Variants in PRPSAP2 observed in about 807,000 individuals in gnomAD.
The protein encoded by PRPSAP2 is phosphoribosyl pyrophosphate synthetase associated protein 2, also known as phosphoribosyl pyrophosphate synthase-associated protein 2.
In PRPSAP2, 24 loss-of-function variants were observed where a neutral mutation model predicts 40.6. That is an observed-to-expected ratio of 0.59 (90% CI 0.43 to 0.83). The LOEUF (loss-of-function observed/expected upper bound fraction) is 0.83, where lower values mean the gene tolerates loss of function less well. Ranked by LOEUF, PRPSAP2 falls within the 40% of genes least tolerant of loss-of-function variation. The probability of loss-of-function intolerance (pLI) is 0.00; values close to 1 mark genes in which losing one functional copy is unlikely to be tolerated. For synonymous variants in PRPSAP2, 149 were observed against 164.7 expected (o/e 0.90, Z 0.73); for missense variants, 292 against 465.6 (o/e 0.63, Z 3.43).
chr17:18,923,993 A>G lies in PRPSAP2; in HGVS notation c.804+9A>G. The G allele has an allele frequency of 6.2e-7, 1 of 1,600,550 alleles. No homozygotes were observed. The highest frequency in any genetic ancestry group is 8.6e-7 in the Non-Finnish European group (1 of 1,169,298). ...GGATTGCCATCATCGTGGTATGTAG[A>G]CCTCTTTTATTATTAATTCTAGTAT... On this transcript the variant is annotated intron_variant, in intron 10 of 11. Transcript: ENST00000268835.
intron 8 of PRPSAP2, chr17:18,908,426 A>C (rs1176550865): frequency 1.3e-6 from 1 of 758,460 alleles, no homozygotes; most frequent in Non-Finnish European, 2.5e-6. Flanking sequence ...AATGCAGACG[A>C]AACTGTTCTG....
chr17:18,923,904 T>A lies in PRPSAP2; in HGVS notation c.734-10T>A, dbSNP rs568479364. 4.3e-4 allele frequency: 687 copies of A among 1,607,804 alleles called. No individual in the cohort carries two copies. The highest frequency in any genetic ancestry group is 5.4e-4 in the Non-Finnish European group (630 of 1,176,896). On this transcript the variant is annotated splice_polypyrimidine_tract_variant and intron_variant, in intron 9 of 11. Coordinates refer to ENST00000268835, the MANE Select transcript of PRPSAP2 (RefSeq NM_002767.4). ...TAAAAATTTTGGTGTGTGTGTTTTA[T>A]TCCAACCAGTGCTGATTCCTAAAGA... is the stretch of plus-strand genomic sequence containing the variant.
At chr17:18,920,240 C>T (rs553191697) in intron 9 of PRPSAP2, among the ~76,000 whole-genome samples, 23 of 152,138 alleles carry the variant, frequency 1.5e-4, no homozygotes, top group South Asian at 2.1e-4. Context: ...TTTAGATGAA[C>T]GCTGCTTCTT....
At position 18,865,783 on chromosome 17, in the gene PRPSAP2, A is replaced by G; in HGVS notation, c.-32-19A>G. On this transcript the variant is annotated intron_variant, in intron 2 of 11. Transcript: ENST00000268835. Reference sequence around the variant, plus strand: ...TTCATATCATATGGCAGTTTTTAATAAGTATTATATCCTTCTAGGCTCTGA... The same window carrying G: ...TTCATATCATATGGCAGTTTTTAATGAGTATTATATCCTTCTAGGCTCTGA... 1 of 1,341,704 alleles carries G rather than the reference A, an allele frequency of 7.5e-7. No individual in the cohort carries two copies. Among genetic ancestry groups the G allele is most frequent in the Non-Finnish European group, 9.7e-7 (1 of 1,031,552 alleles). 83.1% of individuals were successfully genotyped at this position (1,341,704 alleles called of 1,614,324 possible).
At chr17:18,892,715 G>T (rs1358624968) in intron 8 of PRPSAP2, among the ~76,000 whole-genome samples, 1 of 97,224 alleles carries the variant, frequency 1.0e-5, no homozygotes, top group East Asian at 2.3e-4. Flanking sequence ...GTGTGTGTGT[G>T]TGTGTGTGTG....
At chr17:18,898,838 A>T (rs925628858) in intron 8 of PRPSAP2, among the ~76,000 whole-genome samples, 7 of 152,128 alleles carry the variant, frequency 4.6e-5, no homozygotes, top group Non-Finnish European at 7.3e-5. Context: ...TTTTAGTCCT[A>T]CCGTCTTTCT....
At chr17:18,866,740 T>A (rs532964051) in intron 3 of PRPSAP2, among the ~76,000 whole-genome samples, 12 of 152,284 alleles carry the variant, frequency 7.9e-5, no homozygotes, top group African/African-American at 2.9e-4. Flanking sequence ...CATTTTAGTA[T>A]GGGAGCCAAA....
intron 8 of PRPSAP2, among the ~76,000 whole-genome samples, chr17:18,893,962 A>G (rs1471170101): frequency 2.0e-5 from 3 of 151,748 alleles, no homozygotes; most frequent in East Asian, 3.9e-4. Context: ...GGCTCAAGCA[A>G]TTCTATTGCC....
intron 5 of PRPSAP2, among the ~76,000 whole-genome samples, chr17:18,876,859 G>A (rs1018972706): frequency 3.3e-5 from 5 of 152,166 alleles, no homozygotes; most frequent in South Asian, 2.1e-4. Context: ...GCCCCTTAGC[G>A]GTGTGAGCTG....
At chr17:18,856,692 ATG>A (rs1315668861), upstream of PRPSAP2, among the ~76,000 whole-genome samples, 2 of 152,196 alleles carry the variant, frequency 1.3e-5, no homozygotes, top group Non-Finnish European at 2.9e-5. Context: ...TGGAGAGAAG[ATG>A]TGGTATAGGG....
Position 18,930,562 on chromosome 17 carries a change from C to T in PRPSAP2, c.974C>T (p.Pro325Leu). 1 of 1,613,554 alleles carries T rather than the reference C, an allele frequency of 6.2e-7. No homozygotes were observed. Among genetic ancestry groups the T allele is most frequent in the Non-Finnish European group, 8.5e-7 (1 of 1,179,694 alleles). ...IDEVVVTNTIPHEVQKLQCPK... is the reference protein window; with the variant it reads ...IDEVVVTNTILHEVQKLQCPK... ...CAGGTGGTGGTCACCAATACAATTC[C>T]ACATGAAGTCCAGAAGCTCCAGTGC... Residue 325 changes from proline to leucine, a missense_variant, in exon 12 of 12, where the codon CCA (proline) becomes CTA (leucine). This residue lies in a region of PRPSAP2 where 241 missense variants were observed against 425.7 expected (regional missense o/e 0.57). Transcript: ENST00000268835.
intron 7 of PRPSAP2, among the ~76,000 whole-genome samples, chr17:18,883,414 T>C (rs1210557113): frequency 1.3e-5 from 2 of 150,858 alleles, no homozygotes; most frequent in Non-Finnish European, 3.0e-5. Flanking sequence ...TTTTTTTTTT[T>C]TTTTGGTGGG....
chr17:18,885,063 A>G (rs2039034159), intron 7 of PRPSAP2, among the ~76,000 whole-genome samples: 1 of 152,084 alleles, frequency 6.6e-6, no homozygotes, highest in Admixed American at 6.6e-5. Context: ...TGAGGATGAC[A>G]CTGCCTTCTA....
chr17:18,859,217 C>T (rs555189161), intron 1 of PRPSAP2: 1 of 152,128 alleles, frequency 6.6e-6, no homozygotes, highest in Non-Finnish European at 1.5e-5. Context: ...GTGGAAATAC[C>T]GAATCAAACT....
intron 8 of PRPSAP2, among the ~76,000 whole-genome samples, chr17:18,901,651 C>T (rs1056948020): frequency 5.9e-5 from 9 of 152,238 alleles, no homozygotes; most frequent in African/African-American, 1.9e-4. Context: ...GCTAGGATTA[C>T]AGGCATGAGC....
At chr17:18,908,686 C>T in intron 8 of PRPSAP2, 1 of 724,008 alleles carries the variant, frequency 1.4e-6, no homozygotes, top group South Asian at 1.5e-5. Flanking sequence ...GCTGGCCATC[C>T]ACTTCCTGAA....
intron 8 of PRPSAP2, among the ~76,000 whole-genome samples, chr17:18,901,281 G>T (rs1411392853): frequency 6.6e-6 from 1 of 152,090 alleles, no homozygotes; most frequent in Non-Finnish European, 1.5e-5. Context: ...CTACAAATCT[G>T]GGATAATAAG....
At chr17:18,878,547 T>C (rs751327539) in intron 6 of PRPSAP2, among the ~76,000 whole-genome samples, 1 of 152,088 alleles carries the variant, frequency 6.6e-6, no homozygotes, top group Non-Finnish European at 1.5e-5. Context: ...TAAGTGTATA[T>C]GATTTTATTT....
At chr17:18,859,859 C>G (rs1434481461) in intron 1 of PRPSAP2, 1 of 151,564 alleles carries the variant, frequency 6.6e-6, no homozygotes, top group African/African-American at 2.4e-5. Context: ...ATTCTCCTGC[C>G]TCAGCCTCCT....
Sources: allele counts gnomAD v4.1 joint callset (sites outside exome capture counted in the v4.1 genomes callset), GRCh38; gene constraint gnomAD v4.1.1; regional missense constraint gnomAD v4.1.1; transcripts MANE v1.5; gene names NCBI Gene and HGNC (gene_info 2026-07-23, HGNC 2026-07-21).